Variants in SLC20A2 observed in about 807,000 individuals in gnomAD.
The protein encoded by SLC20A2 is sodium-dependent phosphate transporter 2.
In SLC20A2, 30 loss-of-function variants were observed where a neutral mutation model predicts 61.0. The ratio of observed to expected loss-of-function variants is 0.49; its 90% CI spans 0.37 to 0.67. SLC20A2 has a LOEUF of 0.67. Among genes scored for constraint, SLC20A2 ranks in the 30% least tolerant of loss-of-function variants. The pLI, the probability that SLC20A2 is intolerant of heterozygous loss-of-function variation, is 0.00. For synonymous variants in SLC20A2, 351 were observed against 353.3 expected (o/e 0.99, Z 0.07); for missense variants, 626 against 866.4 (o/e 0.72, Z 3.48).
Position 42,492,835 on chromosome 8 carries a change from G to A in SLC20A2, c.-265+8196C>T, listed in dbSNP as rs144420948. On this transcript the variant is annotated intron_variant, in intron 1 of 10. Coordinates refer to ENST00000520262, the MANE Select transcript of SLC20A2 (RefSeq NM_001257180.2). Reference sequence around the variant, plus strand: ...TGGGACTACAGGCGCCTGTCACCACGTGCCCGGCTAACTTTTTGTATTTTT... The same window carrying A: ...TGGGACTACAGGCGCCTGTCACCACATGCCCGGCTAACTTTTTGTATTTTT... Among the ~76,000 whole-genome samples, 291 of 152,072 alleles carry A rather than the reference G, an allele frequency of 1.9e-3. 1 individual carries two copies. The highest frequency in any genetic ancestry group is 6.7e-3 in the African/African-American group (278 of 41,494).
rs887660693 is a variant in SLC20A2 at position 42,416,540 on chromosome 8, C to G, written c.*1263G>C. On this transcript the variant is annotated 3_prime_UTR_variant, in exon 11 of 11. Coordinates refer to ENST00000520262, the MANE Select transcript of SLC20A2 (RefSeq NM_001257180.2). ...TTAATGAAAAATGACAATGAAGTAC[C>G]AAGAAAATGTTTGTCAATATAAAAA... The G allele has an allele frequency of 1.3e-5, 2 of 152,428 alleles. No homozygotes were observed. Among genetic ancestry groups the G allele is most frequent in the African/African-American group, 4.8e-5 (2 of 41,362 alleles). The allele number at this position is 152,428 out of a possible 1,614,324, so 9.4% of individuals were successfully genotyped here. A position where few individuals can be genotyped will look rare whatever the true frequency, so the allele number is the denominator to read the frequency against.
chr8:42,522,635 C>T lies in SLC20A2; in HGVS notation c.-265+19186G>A, dbSNP rs1339735178. Among the ~76,000 whole-genome samples, 5 of 119,662 alleles carry T rather than the reference C, an allele frequency of 4.2e-5. 2 individuals are homozygous for T. The highest frequency in any genetic ancestry group is 6.0e-4 in the South Asian group (2 of 3,308). The allele number at this position is 119,662 out of a possible 152,430, so 78.5% of individuals were successfully genotyped here. A position where few individuals can be genotyped will look rare whatever the true frequency, so the allele number is the denominator to read the frequency against. Reference sequence around the variant, plus strand: ...GGCGGAGGTTGCAGTGAGCTGAGATCGTGCCACTGCACTCCAGCCTGGGCG... The same window carrying T: ...GGCGGAGGTTGCAGTGAGCTGAGATTGTGCCACTGCACTCCAGCCTGGGCG... On this transcript the variant is annotated intron_variant, in intron 1 of 10. Coordinates refer to the SLC20A2 transcript ENST00000342228.
chr8:42,496,803 C>T (rs1258085641), intron 1 of SLC20A2, among the ~76,000 whole-genome samples: 1 of 152,184 alleles, frequency 6.6e-6, no homozygotes, highest in African/African-American at 2.4e-5. Context: ...ACTTTCCTTG[C>T]AGCCCCCTCT....
chr8:42,460,025 C>A, intron 4 of SLC20A2, 33 bp from the exon 5 acceptor site: 1 of 1,230,540 alleles, frequency 8.1e-7, no homozygotes, highest in South Asian at 1.2e-5. Flanking sequence ...AGTGGAAGGT[C>A]AGGATCCCAG....
In SLC20A2 at chr8:42,444,944, C is replaced by G. The variant is rs552818101; in HGVS notation, c.614-182G>C. The stretch of plus-strand genomic sequence containing the variant: ...GTAGAAAGCTGTATGTTCAAGACAT[C>G]TTATATCTGGCGAATATGTGCTTAA... On this transcript the variant is annotated intron_variant, in intron 5 of 10. Transcript: ENST00000520262. Among the ~76,000 whole-genome samples, 9 of 152,354 alleles carry G rather than the reference C, an allele frequency of 5.9e-5. No individual in the cohort carries two copies. The South Asian group carries it at 1.9e-3, about 32-fold the overall frequency.
chr8:42,528,013 A>C (rs1812084161), intron 1 of SLC20A2, among the ~76,000 whole-genome samples: 1 of 152,140 alleles, frequency 6.6e-6, no homozygotes, highest in South Asian at 2.1e-4. Flanking sequence ...TCTTCTTTAT[A>C]CCTTTCTGTA....
chr8:42,419,340 C>T (rs999905597), intron 10 of SLC20A2, among the ~76,000 whole-genome samples: 2 of 151,978 alleles, frequency 1.3e-5, no homozygotes, highest in Admixed American at 6.6e-5. Context: ...GAGGCCGAGG[C>T]GGGTGGATCA....
chr8:42,428,965 A>G (rs907813704), intron 9 of SLC20A2, 123 bp from the exon 10 acceptor site: 36 of 712,104 alleles, frequency 5.1e-5, no homozygotes, highest in Non-Finnish European at 8.0e-5. Flanking sequence ...ACTGGGCAAG[A>G]TCAATTTTAA....
chr8:42,512,247 T>A (rs545681722), intron 1 of SLC20A2, among the ~76,000 whole-genome samples: 4 of 152,044 alleles, frequency 2.6e-5, no homozygotes, highest in African/African-American at 9.7e-5. Context: ...CAACTGAAAA[T>A]TATCCTTTTT....
chr8:42,463,531 C>G (rs1379738384), intron 3 of SLC20A2, among the ~76,000 whole-genome samples: 1 of 152,230 alleles, frequency 6.6e-6, no homozygotes. Context: ...TTCCTGCCAT[C>G]TAGCTGCTGG....
rs1380902729 is a variant in SLC20A2 at position 42,533,651 on chromosome 8, G to GTTCTTTTTTTCTTT, written c.-265+8169_-265+8170insAAAGAAAAAAAGAA. On this transcript the variant is annotated intron_variant, in intron 1 of 10. Transcript: ENST00000342228. ...ACATTAATGGCCTTAATGATCAACTGTTCTTTTTTTTTTTTTTTTTTTTTT... is the reference window on the plus strand; with the variant it reads ...ACATTAATGGCCTTAATGATCAACTGTTCTTTTTTTCTTTTTCTTTTTTTTTTTTTTTTTTTTTT... Among the ~76,000 whole-genome samples the GTTCTTTTTTTCTTT allele has an allele frequency of 6.7e-5, 6 of 89,740 alleles. 1 individual carries two copies. Among genetic ancestry groups the GTTCTTTTTTTCTTT allele is most frequent in the African/African-American group, 1.4e-4 (3 of 20,888 alleles). The allele number at this position is 89,740 out of a possible 152,430, so 58.9% of individuals were successfully genotyped here.
rs553459349 is a variant in SLC20A2 at position 42,496,379 on chromosome 8, T to C, written c.-265+4652A>G. ...TCAAGCGAAAGCACAAAGGAAAATATACAAAAGGGCACAGGCATAACTAAA... is the reference window on the plus strand; with the variant it reads ...TCAAGCGAAAGCACAAAGGAAAATACACAAAAGGGCACAGGCATAACTAAA... On this transcript the variant is annotated intron_variant, in intron 1 of 10. Coordinates refer to ENST00000520262, the MANE Select transcript of SLC20A2 (RefSeq NM_001257180.2). Among the ~76,000 whole-genome samples the C allele has an allele frequency of 3.0e-3, 451 of 152,284 alleles. 2 individuals are homozygous for C. The highest frequency in any genetic ancestry group is 8.5e-3 in the African/African-American group (355 of 41,564).
intron 1 of SLC20A2, among the ~76,000 whole-genome samples, chr8:42,475,708 G>A (rs768315560): frequency 6.6e-6 from 1 of 151,836 alleles, no homozygotes; most frequent in Non-Finnish European, 1.5e-5. Flanking sequence ...ACCACACCAG[G>A]GCCCAGAAGA....
chr8:42,528,331 G>A (rs1399314801), intron 1 of SLC20A2, among the ~76,000 whole-genome samples: 2 of 151,964 alleles, frequency 1.3e-5, no homozygotes, highest in East Asian at 3.9e-4. Flanking sequence ...GCGTAGTGGT[G>A]GGCACCTTTA....
intron 1 of SLC20A2, among the ~76,000 whole-genome samples, chr8:42,496,177 T>G (rs912920275): frequency 3.9e-5 from 6 of 152,238 alleles, no homozygotes; most frequent in Non-Finnish European, 7.3e-5. Context: ...TTATTATTTT[T>G]AAAAACCTAG....
rs555560902 is a variant in SLC20A2, at chr8:42,532,380, G to T, written c.-265+9441C>A. Reference sequence around the variant, plus strand: ...CCCACCTCCACCCCAAACTTGCTTTGGGTGTTCTTTAATCTTTCAAGGGAG... The same window carrying T: ...CCCACCTCCACCCCAAACTTGCTTTTGGTGTTCTTTAATCTTTCAAGGGAG... On this transcript the variant is annotated intron_variant, in intron 1 of 10. Coordinates refer to the SLC20A2 transcript ENST00000342228. 2.6e-5 allele frequency among the ~76,000 whole-genome samples: 4 copies of T among 152,142 alleles called. No homozygotes were observed. The South Asian group carries it at 8.3e-4, about 32-fold the overall frequency.
At chr8:42,439,298 G>C in intron 7 of SLC20A2, 152 bp downstream of exon 7, 2 of 681,072 alleles carry the variant, frequency 2.9e-6, no homozygotes, top group Non-Finnish European at 4.9e-6. Flanking sequence ...GGTTTCCTGA[G>C]GCCTCCCTAG....
Position 42,437,167 on chromosome 8 carries a change from CCTCCGCCTCGAT to C in SLC20A2, c.1333_1344del (p.Ile445_Glu448del), listed in dbSNP as rs1316718967. The C allele has an allele frequency of 5.0e-6, 8 of 1,613,572 alleles. No homozygotes were observed. The highest frequency in any genetic ancestry group is 5.9e-6 in the Non-Finnish European group (7 of 1,180,040). ...GCCAGCTTCATCTCCACGCCGCCCTCCTCCGCCTCGATCTCCGCCTCTGCCACCGCGTTACAG... is the reference window on the plus strand; with the variant it reads ...GCCAGCTTCATCTCCACGCCGCCCTCCTCCGCCTCTGCCACCGCGTTACAG... On this transcript the variant is annotated inframe_deletion, in exon 8 of 11. Transcript: ENST00000520262. This position sits in a 1 kb window ranked among gnomAD's most constrained non-coding sequence, Gnocchi z 6.4.
chr8:42,494,794 T>G (rs1329821540), intron 1 of SLC20A2, among the ~76,000 whole-genome samples: 1 of 152,192 alleles, frequency 6.6e-6, no homozygotes, highest in Non-Finnish European at 1.5e-5. Context: ...AAGTTTAATT[T>G]TTTTTGACTG....
Sources: allele counts gnomAD v4.1 joint callset (sites outside exome capture counted in the v4.1 genomes callset), GRCh38; gene constraint gnomAD v4.1.1; non-coding constraint Gnocchi (gnomAD v3.1); transcripts MANE v1.5; gene names NCBI Gene and HGNC (gene_info 2026-07-23, HGNC 2026-07-21).